CADPS: variants seen among roughly 807,000 people sequenced by gnomAD.
CADPS encodes the protein calcium-dependent secretion activator 1.
Under a neutral mutation model 167.3 loss-of-function variants are expected in CADPS, and 57 were observed. The observed-to-expected ratio is 0.34, with a 90% CI of 0.28 to 0.42. The LOEUF (loss-of-function observed/expected upper bound fraction) is 0.42. Ranked by LOEUF, CADPS falls within the 20% of genes least tolerant of loss-of-function variation. CADPS has a pLI of 1.00. For synonymous variants in CADPS, 676 were observed against 635.3 expected, an observed-to-expected ratio of 1.06 and a Z score of -0.96; for missense variants, 1,414 against 1,738.1, an observed-to-expected ratio of 0.81 and a Z score of 3.32.
chr3:62,730,879 T>C (rs1250770768), intron 3 of CADPS, among the ~76,000 whole-genome samples: 2 of 152,214 alleles, frequency 1.3e-5, no homozygotes, highest in Non-Finnish European at 2.9e-5. Flanking sequence ...AGATGGCCAT[T>C]TGGGCCCAGG....
chr3:62,467,556 G>A (rs1358874486), intron 24 of CADPS, among the ~76,000 whole-genome samples: 3 of 152,244 alleles, frequency 2.0e-5, no homozygotes, highest in East Asian at 3.9e-4. Context: ...AGGTTTGTTT[G>A]TAATTGGAAG....
At chr3:62,630,489 C>T (rs375970839) in intron 6 of CADPS, among the ~76,000 whole-genome samples, 3 of 152,070 alleles carry the variant, frequency 2.0e-5, no homozygotes, top group African/African-American at 7.2e-5. Context: ...GCTGGGATTG[C>T]AGGCATGCAC....
At chr3:62,651,121 G>A in intron 4 of CADPS, 41 bp from the exon 5 acceptor site, 5 of 1,388,758 alleles carry the variant, frequency 3.6e-6, no homozygotes, top group Non-Finnish European at 5.1e-6. Flanking sequence ...GGAGAAAATA[G>A]AAAGCTGATT....
intron 3 of CADPS, among the ~76,000 whole-genome samples, chr3:62,686,535 A>G (rs1028554495): frequency 4.0e-5 from 6 of 150,702 alleles, no homozygotes; most frequent in Non-Finnish European, 6.0e-5. Flanking sequence ...GAGCTAATGT[A>G]CACTACAAGT....
chr3:62,463,192 G>A (rs1482905253), intron 26 of CADPS, among the ~76,000 whole-genome samples: 1 of 152,122 alleles, frequency 6.6e-6, no homozygotes, highest in Non-Finnish European at 1.5e-5. Context: ...GAGACTCTCT[G>A]GTGCCCTGTT....
At chr3:62,443,653 ATTC>A (rs1366226012) in intron 27 of CADPS, among the ~76,000 whole-genome samples, 2 of 152,080 alleles carry the variant, frequency 1.3e-5, no homozygotes, top group African/African-American at 2.4e-5. Flanking sequence ...CCTTTCACTC[ATTC>A]TTCTTACCTC....
At chr3:62,621,536 G>T (rs1407054441) in intron 6 of CADPS, among the ~76,000 whole-genome samples, 2 of 152,010 alleles carry the variant, frequency 1.3e-5, no homozygotes, top group Non-Finnish European at 2.9e-5. Context: ...TATTTATGGG[G>T]TATAGTTTTT....
At chr3:62,442,662 G>A (rs1950077905) in intron 27 of CADPS, among the ~76,000 whole-genome samples, 2 of 152,172 alleles carry the variant, frequency 1.3e-5, no homozygotes, top group Non-Finnish European at 2.9e-5. Context: ...GTTGGAGAGA[G>A]ATGCACATAA....
intron 1 of CADPS, among the ~76,000 whole-genome samples, chr3:62,801,764 G>A (rs995437796): frequency 6.6e-6 from 1 of 150,834 alleles, no homozygotes; most frequent in Non-Finnish European, 1.5e-5. Context: ...TAAAAAAAAA[G>A]GCCCAGCTGA....
chr3:62,425,273 C>A (rs1057014483), intron 28 of CADPS, among the ~76,000 whole-genome samples: 2 of 151,840 alleles, frequency 1.3e-5, no homozygotes, highest in African/African-American at 4.8e-5. Flanking sequence ...TATGGGGGGG[C>A]TGTCTTGTTC....
chr3:62,789,400 A>AG (rs2092741205), intron 1 of CADPS, among the ~76,000 whole-genome samples: 1 of 152,188 alleles, frequency 6.6e-6, no homozygotes, highest in South Asian at 2.1e-4. Context: ...TCACCCCAAA[A>AG]GGGGAGTAGG....
At chr3:62,588,268 C>T (rs866248) in intron 7 of CADPS, among the ~76,000 whole-genome samples, 108,382 of 150,930 alleles carry the variant, frequency 0.72, 42,241 homozygotes, top group East Asian at 0.95. Context: ...ATTCTGCCTT[C>T]TTGCTAGGTG....
chr3:62,434,450 C>G (rs1271990011), intron 28 of CADPS, among the ~76,000 whole-genome samples: 7 of 151,976 alleles, frequency 4.6e-5, no homozygotes, highest in African/African-American at 1.5e-4. Context: ...TATTAATAAA[C>G]AAAGGAATCT....
intron 21 of CADPS, 66 bp from the exon 22 acceptor site, chr3:62,481,935 C>T: frequency 6.8e-7 from 1 of 1,473,872 alleles, no homozygotes; most frequent in Non-Finnish European, 9.3e-7. Flanking sequence ...GGCAGAAGCA[C>T]ACGACAATTG....
chr3:62,591,001 C>T (rs1170315921), intron 7 of CADPS, among the ~76,000 whole-genome samples: 2 of 152,010 alleles, frequency 1.3e-5, no homozygotes, highest in African/African-American at 4.8e-5. Context: ...ATTACAGGTG[C>T]CTGCCACCAC....
intron 1 of CADPS, among the ~76,000 whole-genome samples, chr3:62,790,133 G>C (rs1427433611): frequency 5.3e-5 from 8 of 151,982 alleles, no homozygotes; most frequent in African/African-American, 1.9e-4. Context: ...TCAGACACTA[G>C]AAATGATTTA....
At chr3:62,416,954 G>A (rs536684403) in intron 28 of CADPS, among the ~76,000 whole-genome samples, 2 of 151,632 alleles carry the variant, frequency 1.3e-5, no homozygotes, top group South Asian at 2.1e-4. Context: ...GCGCGATCAC[G>A]GCTCACTGCA....
chr3:62,597,889 C>A (rs2148947248), intron 6 of CADPS, among the ~76,000 whole-genome samples: 1 of 152,104 alleles, frequency 6.6e-6, no homozygotes, highest in African/African-American at 2.4e-5. Context: ...GTGAAGCAGG[C>A]CAAAAGAGAA....
chr3:62,694,065 C>G (rs1268263053), intron 3 of CADPS, among the ~76,000 whole-genome samples: 1 of 152,050 alleles, frequency 6.6e-6, no homozygotes, highest in East Asian at 1.9e-4. Context: ...GGCCTAGGTA[C>G]TCAGTGGCCA....
Sources: gnomAD v4.1 joint callset for allele counts (sites outside exome capture counted in the v4.1 genomes callset) on GRCh38, gnomAD v4.1.1 for gene constraint, MANE v1.5 for transcripts, NCBI Gene and HGNC (gene_info 2026-07-23, HGNC 2026-07-21) for gene names.